Variants in NDUFAF6 observed in about 807,000 individuals in gnomAD.
NDUFAF6 encodes the protein NADH dehydrogenase (ubiquinone) complex I, assembly factor 6.
NDUFAF6 carries 45 observed loss-of-function variants against 40.8 expected under a neutral mutation model. That is an observed-to-expected ratio of 1.10 (90% CI 0.87 to 1.42). The LOEUF (loss-of-function observed/expected upper bound fraction) is 1.42. NDUFAF6 is among the 40% of genes most tolerant of loss of function. The probability of loss-of-function intolerance (pLI) is 0.00; values close to 1 mark genes in which losing one functional copy is unlikely to be tolerated. For missense variants in NDUFAF6, 435 were observed against 418.5 expected (o/e 1.04, Z -0.34); for synonymous variants, 185 against 155.9 (o/e 1.19, Z -1.39).
At chr8:95,106,336 A>G (rs1051296181), downstream of NDUFAF6, among the ~76,000 whole-genome samples, 10 of 152,124 alleles carry the variant, frequency 6.6e-5, no homozygotes, top group African/African-American at 2.2e-4. Flanking sequence ...CCGCACATCT[A>G]CAACCATCTG....
downstream of NDUFAF6, chr8:95,078,662 A>AAAATATATATATATATAT (rs545018367): frequency 2.5e-5 from 3 of 121,050 alleles, no homozygotes; most frequent in African/African-American, 9.8e-5. Flanking sequence ...AAAAAAAAAA[A>AAAATATATATATATATAT]ATATATATAT....
chr8:95,017,099 ATTTTTTTT>A (rs781650429), intron 2 of NDUFAF6, among the ~76,000 whole-genome samples: 1 of 111,884 alleles, frequency 8.9e-6, no homozygotes, highest in Admixed American at 9.4e-5. Context: ...TGCCCAGCTA[ATTTTTTTT>A]TTTTTTTTTT....
upstream of NDUFAF6, among the ~76,000 whole-genome samples, chr8:95,097,143 G>A (rs889650527): frequency 4.6e-5 from 7 of 152,280 alleles, no homozygotes; most frequent in East Asian, 7.7e-4. Flanking sequence ...TAGAGAGAAC[G>A]TCCCAACTTT....
intron 1 of NDUFAF6, among the ~76,000 whole-genome samples, chr8:94,980,512 C>T (rs532161600): frequency 2.2e-5 from 3 of 133,690 alleles, no homozygotes; most frequent in South Asian, 2.5e-4. Flanking sequence ...GGTGTGATCT[C>T]GGCTCACTGC....
chr8:94,979,117 G>A (rs943829779), intron 1 of NDUFAF6, among the ~76,000 whole-genome samples: 5 of 152,342 alleles, frequency 3.3e-5, no homozygotes, highest in Non-Finnish European at 5.9e-5. Context: ...GGCTAAAACT[G>A]AGAGCCGTCC....
chr8:94,971,701 C>T (rs1015021429), intron 1 of NDUFAF6, among the ~76,000 whole-genome samples: 4 of 152,128 alleles, frequency 2.6e-5, no homozygotes, highest in South Asian at 2.1e-4. Flanking sequence ...CTTTGGGAGG[C>T]GGAGGCGGGT....
At chr8:95,041,660 C>T (rs780879840) in intron 4 of NDUFAF6, 34 bp downstream of exon 4, 19 of 1,533,326 alleles carry the variant, frequency 1.2e-5, no homozygotes, top group Non-Finnish European at 1.6e-5. Context: ...TAAGTTTTTT[C>T]TTCCTGTTTA....
chr8:94,934,160 AC>A (rs1183117364), intron 1 of NDUFAF6, among the ~76,000 whole-genome samples: 15 of 148,104 alleles, frequency 1.0e-4, no homozygotes, highest in African/African-American at 2.9e-4. Flanking sequence ...AAAAAAAAAA[AC>A]ACAATCTGGA....
intron 2 of NDUFAF6, among the ~76,000 whole-genome samples, chr8:95,089,305 A>T (rs569355909): frequency 1.3e-5 from 2 of 151,780 alleles, no homozygotes; most frequent in South Asian, 4.2e-4. Context: ...TGCCTGCATG[A>T]ACTCATGAAC....
At chr8:95,115,144 A>G (rs1313364043) in intron 4 of NDUFAF6, among the ~76,000 whole-genome samples, 1 of 152,036 alleles carries the variant, frequency 6.6e-6, no homozygotes, top group Admixed American at 6.6e-5. Flanking sequence ...CAAATTGCCA[A>G]CTCTTCAAAA....
intron 1 of NDUFAF6, chr8:94,980,740 G>A (rs1017405120): frequency 2.1e-5 from 6 of 285,858 alleles, no homozygotes; most frequent in African/African-American, 6.6e-5. Context: ...GTAAGCCACC[G>A]TGCTTGGCCT....
upstream of NDUFAF6, among the ~76,000 whole-genome samples, chr8:95,097,956 T>A (rs750179103): frequency 3.3e-5 from 5 of 152,150 alleles, no homozygotes; most frequent in Non-Finnish European, 7.3e-5. Context: ...AGACTTGTGG[T>A]TGGTTCTGGA....
At chr8:95,040,797 T>A (rs1181984349) in intron 3 of NDUFAF6, 1 of 152,222 alleles carries the variant, frequency 6.6e-6, no homozygotes, top group Non-Finnish European at 1.5e-5. Context: ...ACTTTCTTAT[T>A]TTCTGACACA....
intron 2 of NDUFAF6, among the ~76,000 whole-genome samples, chr8:95,018,085 C>T (rs1036510519): frequency 1.3e-5 from 2 of 152,062 alleles, no homozygotes; most frequent in Non-Finnish European, 2.9e-5. Flanking sequence ...GTCGTTCTTT[C>T]ACCCAGGCTG....
At chr8:94,920,825 C>T (rs1819451572) in intron 1 of NDUFAF6, among the ~76,000 whole-genome samples, 1 of 152,234 alleles carries the variant, frequency 6.6e-6, no homozygotes, top group African/African-American at 2.4e-5. Context: ...GTTCTGCATT[C>T]AGCTGCAGCT....
intron 1 of NDUFAF6, chr8:94,975,734 T>C (rs895979322): frequency 6.6e-6 from 1 of 152,218 alleles, no homozygotes; most frequent in Non-Finnish European, 1.5e-5. Context: ...TTATTGATTT[T>C]TTTTCTTCCA....
chr8:94,896,845 T>G (rs1227334383), intron 1 of NDUFAF6, among the ~76,000 whole-genome samples: 1 of 152,192 alleles, frequency 6.6e-6, no homozygotes, highest in African/African-American at 2.4e-5. Context: ...TTTCGATTCT[T>G]CGTCTCGTGA....
Position 94,895,957 on chromosome 8 carries a change from T to C in NDUFAF6, c.-936+30T>C, listed in dbSNP as rs1049596371. The C allele has an allele frequency of 3.8e-4, 58 of 152,498 alleles. 1 individual carries two copies. The highest frequency in any genetic ancestry group is 2.9e-5 in the Non-Finnish European group (2 of 68,348). The allele number at this position is 152,498 out of a possible 1,614,324, so 9.4% of individuals were successfully genotyped here. ...GTATCAACCCTGCTTTCCGGCTCCC[T>C]GCTCCCCCTACCGGGTTTCCCTCCC... On this transcript the variant is annotated intron_variant, in intron 1 of 14. Coordinates refer to the NDUFAF6 transcript ENST00000396113.
At chr8:95,021,624 G>A (rs1827695653), upstream of NDUFAF6, among the ~76,000 whole-genome samples, 1 of 152,184 alleles carries the variant, frequency 6.6e-6, no homozygotes, top group Non-Finnish European at 1.5e-5. Flanking sequence ...AAAAAACTCA[G>A]TATGTGTCCT....
Sources: gnomAD v4.1 joint callset for allele counts (sites outside exome capture counted in the v4.1 genomes callset) on GRCh38, gnomAD v4.1.1 for gene constraint, MANE v1.5 for transcripts, NCBI Gene and HGNC (gene_info 2026-07-23, HGNC 2026-07-21) for gene names.